CCDC171: variants seen among roughly 807,000 people sequenced by gnomAD.
CCDC171 encodes coiled-coil domain-containing protein 171.
Under a neutral mutation model 168.2 loss-of-function variants are expected in CCDC171, and 177 were observed. The ratio of observed to expected loss-of-function variants is 1.05; its 90% CI spans 0.93 to 1.19. The LOEUF (loss-of-function observed/expected upper bound fraction) is 1.19, where lower values mean the gene tolerates loss of function less well. Among genes scored for constraint, CCDC171 ranks in the 50% most tolerant of loss-of-function variants. The pLI is 0.00. For missense variants in CCDC171, 1,991 were observed against 1,539.0 expected, an observed-to-expected ratio of 1.29 and a Z score of -4.91; for synonymous variants, 687 against 540.8, an observed-to-expected ratio of 1.27 and a Z score of -3.75.
At chr9:16,096,180 A>T in the CCDC171 span, among the ~76,000 whole-genome samples, 1 of 152,146 alleles carries the variant, frequency 6.6e-6, no homozygotes, top group Admixed American at 6.6e-5. Context: ...ATTAAATGAG[A>T]ACATTGATTG....
intron 4 of CCDC171, among the ~76,000 whole-genome samples, chr9:15,590,640 C>G (rs1037959435): frequency 1.3e-5 from 2 of 152,048 alleles, no homozygotes; most frequent in Non-Finnish European, 2.9e-5. Flanking sequence ...GCTTTGTGAC[C>G]CTTGTGTAAG....
At position 15,695,287 on chromosome 9, in the gene CCDC171, A is replaced by T. The variant is rs768590118; in HGVS notation, c.1268A>T (p.Glu423Val). Residue 423 changes from glutamate to valine, a missense_variant, in exon 11 of 26, where the codon GAA becomes GTA. By Grantham distance (121) the Glu-to-Val change is moderately radical. Transcript: ENST00000380701. ...GAGACATGTGAAAATAACGTGAAAGAATTGGAATCGATCTTGGACAGCTTT... is the reference window on the plus strand; with the variant it reads ...GAGACATGTGAAAATAACGTGAAAGTATTGGAATCGATCTTGGACAGCTTT... ...LVETCENNVKELESILDSFTV... is the reference protein window; with the variant it reads ...LVETCENNVKVLESILDSFTV... 8 of 1,613,998 alleles carry T rather than the reference A, an allele frequency of 5.0e-6. No homozygotes were observed. Among genetic ancestry groups the T allele is most frequent in the Non-Finnish European group, 6.8e-6 (8 of 1,179,996 alleles).
At chr9:15,732,431 C>G (rs376524978) in intron 16 of CCDC171, among the ~76,000 whole-genome samples, 3 of 152,172 alleles carry the variant, frequency 2.0e-5, no homozygotes, top group African/African-American at 7.2e-5. Context: ...ACTTTCCTAG[C>G]TGAATAGCCT....
the CCDC171 span, among the ~76,000 whole-genome samples, chr9:16,073,832 T>G: frequency 6.6e-6 from 1 of 152,222 alleles, no homozygotes; most frequent in Non-Finnish European, 1.5e-5. Context: ...GTTTCTGTGA[T>G]CCCCTGTCCT....
chr9:15,568,472 G>A (rs1004130184), intron 2 of CCDC171, among the ~76,000 whole-genome samples: 23 of 152,134 alleles, frequency 1.5e-4, no homozygotes, highest in Non-Finnish European at 2.6e-4. Flanking sequence ...GGGTTTCACC[G>A]TGTTAGCCAG....
chr9:16,005,653 C>T (rs368794914), intron 3 of CCDC171, among the ~76,000 whole-genome samples: 192 of 152,192 alleles, frequency 1.3e-3, no homozygotes, highest in South Asian at 0.011. Flanking sequence ...ATTGACTTAG[C>T]GTTACATTGA....
Position 15,824,826 on chromosome 9 carries a change from A to C in CCDC171, c.3268-21876A>C, listed in dbSNP as rs984210875. On this transcript the variant is annotated intron_variant, in intron 21 of 25. Transcript: ENST00000380701. ...TTACTCTGACAGCCTCTGGTGGTCA[A>C]GTAGTTGCCTGGATTCCAACGTGGT... Among the ~76,000 whole-genome samples the C allele has an allele frequency of 5.3e-5, 8 of 152,202 alleles. No individual in the cohort carries two copies. The South Asian group carries it at 1.0e-3, about 20-fold the overall frequency.
intron 25 of CCDC171, among the ~76,000 whole-genome samples, chr9:15,958,774 C>T (rs146573572): frequency 8.6e-4 from 131 of 152,034 alleles, no homozygotes; most frequent in African/African-American, 3.0e-3. Flanking sequence ...TGAGAAATTA[C>T]GTTAATGCAA....
chr9:15,570,914 T>C (rs1314750919), intron 2 of CCDC171, among the ~76,000 whole-genome samples: 3 of 152,222 alleles, frequency 2.0e-5, no homozygotes, highest in African/African-American at 7.2e-5. Flanking sequence ...AGTGTTTTTC[T>C]GCCAGACTGG....
At chr9:16,022,760 A>G (rs1327947497) in exon 6 of CCDC171, 1 of 152,234 alleles carries the variant, frequency 6.6e-6, no homozygotes, top group Non-Finnish European at 1.5e-5. Flanking sequence ...CTCCAAAAAG[A>G]GGAAAATGAG....
chr9:16,080,205 C>G, the CCDC171 span, among the ~76,000 whole-genome samples: 1 of 152,158 alleles, frequency 6.6e-6, no homozygotes, highest in Non-Finnish European at 1.5e-5. Flanking sequence ...CTATTAATTA[C>G]CTCAGTGATC....
chr9:15,900,516 G>A (rs144815700), intron 24 of CCDC171, among the ~76,000 whole-genome samples: 2 of 31,070 alleles, frequency 6.4e-5, no homozygotes, highest in African/African-American at 9.1e-5. Context: ...TGAGACACCC[G>A]AGCAGAGGAC....
At chr9:15,897,072 C>G (rs994403634) in intron 24 of CCDC171, among the ~76,000 whole-genome samples, 3 of 151,952 alleles carry the variant, frequency 2.0e-5, no homozygotes, top group African/African-American at 4.8e-5. Flanking sequence ...ATACATATAT[C>G]CAGCATGTAT....
At chr9:16,050,692 T>C (rs1013627753) in intron 1 of CCDC171, among the ~76,000 whole-genome samples, 20 of 152,214 alleles carry the variant, frequency 1.3e-4, no homozygotes, top group Non-Finnish European at 2.9e-4. Flanking sequence ...GCATTGCACA[T>C]GTCCATAAAA....
At chr9:16,025,715 A>G (rs1833263159) in intron 6 of CCDC171, among the ~76,000 whole-genome samples, 1 of 152,210 alleles carries the variant, frequency 6.6e-6, no homozygotes, top group Non-Finnish European at 1.5e-5. Flanking sequence ...GTATAATTCC[A>G]TTTATCTGAA....
chr9:15,766,576 A>T (rs1404149631), intron 18 of CCDC171, among the ~76,000 whole-genome samples: 1 of 152,100 alleles, frequency 6.6e-6, no homozygotes, highest in Non-Finnish European at 1.5e-5. Context: ...GAGCTTGTTC[A>T]TGTATTTTAA....
At chr9:15,955,720 T>C (rs1410633497) in intron 25 of CCDC171, among the ~76,000 whole-genome samples, 1 of 152,180 alleles carries the variant, frequency 6.6e-6, no homozygotes, top group Non-Finnish European at 1.5e-5. Context: ...TGGTTCCTGG[T>C]GCTTACTACT....
intron 21 of CCDC171, among the ~76,000 whole-genome samples, chr9:15,811,505 C>T (rs1259810247): frequency 3.9e-5 from 6 of 152,004 alleles, no homozygotes; most frequent in Admixed American, 3.9e-4. Flanking sequence ...ACCTCTGAGA[C>T]TGTTGTGTTA....
At chr9:15,848,212 C>G (rs1415851918) in intron 22 of CCDC171, among the ~76,000 whole-genome samples, 1 of 151,910 alleles carries the variant, frequency 6.6e-6, no homozygotes, top group Non-Finnish European at 1.5e-5. Context: ...TTTTATAAAT[C>G]TAAAGAAAGC....
Sources: allele counts gnomAD v4.1 joint callset (sites outside exome capture counted in the v4.1 genomes callset), GRCh38; gene constraint gnomAD v4.1.1; transcripts MANE v1.5; gene names NCBI Gene and HGNC (gene_info 2026-07-23, HGNC 2026-07-21).